Variants in ZNF320 observed in about 807,000 individuals in gnomAD.
ZNF320 encodes the protein zinc finger gene 320.
A neutral mutation model predicts 6.8 loss-of-function variants in ZNF320; 2 were observed. That is an observed-to-expected ratio of 0.29 (90% CI 0.12 to 0.93). The LOEUF is 0.93. Ranked by LOEUF, ZNF320 falls within the 40% of genes least tolerant of loss-of-function variation. The pLI is 0.55. For synonymous variants in ZNF320, 208 were observed against 203.2 expected (o/e 1.02, Z -0.20); for missense variants, 472 against 611.0 (o/e 0.77, Z 2.40).
At chr19:52,861,684 T>C (rs542270476) in exon 6 of ZNF320, 13 of 235,780 alleles carry the variant, frequency 5.5e-5, no homozygotes, top group Admixed American at 1.1e-4. Flanking sequence ...TTAAATCAAC[T>C]CAAACTCAAG....
upstream of ZNF320, among the ~76,000 whole-genome samples, chr19:52,898,948 A>C (rs1203837056): frequency 6.6e-6 from 1 of 152,212 alleles, no homozygotes; most frequent in Admixed American, 6.5e-5. Flanking sequence ...TTTTTTCTTA[A>C]AACAGGTACT....
intron 5 of ZNF320, among the ~76,000 whole-genome samples, chr19:52,885,763 G>A: frequency 6.6e-6 from 1 of 151,350 alleles, no homozygotes; most frequent in Admixed American, 6.6e-5. Flanking sequence ...AAAATTAGCT[G>A]GGTGTGGTGG....
At chr19:52,871,738 A>C (rs1359022443), downstream of ZNF320, among the ~76,000 whole-genome samples, 1 of 152,182 alleles carries the variant, frequency 6.6e-6, no homozygotes, top group African/African-American at 2.4e-5. Context: ...AAAACACTGA[A>C]AAAGAGGCAG....
chr19:52,882,133 C>A (rs1280102237), intron 5 of ZNF320, 150 bp from the exon 6 acceptor site: 1 of 820,418 alleles, frequency 1.2e-6, no homozygotes, highest in Non-Finnish European at 1.8e-6. Context: ...AAGTAAGATT[C>A]TTTAATAAAT....
At chr19:52,859,798 CTG>C (rs554598729), downstream of ZNF320, among the ~76,000 whole-genome samples, 18 of 152,116 alleles carry the variant, frequency 1.2e-4, no homozygotes, top group South Asian at 3.5e-3. Flanking sequence ...TACAGGTAAA[CTG>C]TTTTTTTTTA....
chr19:52,875,575 T>C (rs937440345), downstream of ZNF320, among the ~76,000 whole-genome samples: 5 of 152,148 alleles, frequency 3.3e-5, no homozygotes, highest in African/African-American at 1.2e-4. Flanking sequence ...CCACACACTA[T>C]TTGGCAAAGT....
intron 4 of ZNF320, among the ~76,000 whole-genome samples, chr19:52,889,716 T>C (rs2064225687): frequency 6.6e-6 from 1 of 152,194 alleles, no homozygotes; most frequent in Non-Finnish European, 1.5e-5. Context: ...TTCATATCTA[T>C]GTATGAAGTT....
At chr19:52,871,320 A>G (rs1189622845), downstream of ZNF320, among the ~76,000 whole-genome samples, 1 of 150,978 alleles carries the variant, frequency 6.6e-6, no homozygotes, top group Non-Finnish European at 1.5e-5. Context: ...ATTTTCTCCC[A>G]CTCTCTCTCC....
upstream of ZNF320, among the ~76,000 whole-genome samples, chr19:52,900,018 G>A (rs2064566416): frequency 6.6e-6 from 1 of 152,156 alleles, no homozygotes; most frequent in East Asian, 1.9e-4. Flanking sequence ...CATAGACTGG[G>A]AAGCCTAGAA....
chr19:52,862,346 T>A, exon 6 of ZNF320: 1 of 520,314 alleles, frequency 1.9e-6, no homozygotes, highest in Non-Finnish European at 3.9e-6. Flanking sequence ...AAACCTTACA[T>A]TTGTATGGTT....
chr19:52,892,995 C>G (rs955601951), intron 2 of ZNF320, among the ~76,000 whole-genome samples: 15 of 152,260 alleles, frequency 9.9e-5, no homozygotes, highest in African/African-American at 3.6e-4. Flanking sequence ...TCTCCTCCTG[C>G]TTTCTTATTT....
Position 52,880,513 on chromosome 19 carries a change from C to T in ZNF320, c.*83G>A. 7.1e-7 allele frequency: 1 copy of T among 1,404,864 alleles called. No individual in the cohort carries two copies. The highest frequency in any genetic ancestry group is 2.3e-5 in the East Asian group (1 of 43,720). 87.0% of individuals were successfully genotyped at this position (1,404,864 alleles called of 1,614,324 possible). ...ACCACGCCTGGCCCAATCCTCTTAA[C>T]ATAAACAGTTTAATGTCGATTAATG... On this transcript the variant is annotated 3_prime_UTR_variant, in exon 6 of 6. Transcript: ENST00000682928.
At chr19:52,862,816 TG>T in exon 6 of ZNF320, 1 of 352,154 alleles carries the variant, frequency 2.8e-6, no homozygotes, top group Non-Finnish European at 5.8e-6. Flanking sequence ...CTGAAAACGT[TG>T]TCACATTCTT....
chr19:52,873,440 A>G (rs1600587341), downstream of ZNF320, among the ~76,000 whole-genome samples: 3 of 152,238 alleles, frequency 2.0e-5, no homozygotes, highest in Admixed American at 6.5e-5. Flanking sequence ...CCCGAGATCC[A>G]TTAAATCTTG....
chr19:52,865,434 T>TTATATATATATATATATATATATATATA (rs1555814106), intron 5 of ZNF320: 2 of 152,782 alleles, frequency 1.3e-5, no homozygotes, highest in African/African-American at 6.3e-5. Flanking sequence ...GGTCCAGGCT[T>TTATATATATATATATATATATATATATA]TATATATATA....
downstream of ZNF320, among the ~76,000 whole-genome samples, chr19:52,872,299 C>A (rs1333578744): frequency 5.3e-5 from 8 of 152,186 alleles, no homozygotes; most frequent in African/African-American, 7.2e-5. Flanking sequence ...CCAGAATTTA[C>A]CAGATACCAG....
At chr19:52,897,454 A>G (rs1454004812) in intron 1 of ZNF320, 66 bp downstream of exon 1, 2 of 152,306 alleles carry the variant, frequency 1.3e-5, no homozygotes, top group East Asian at 3.9e-4. Flanking sequence ...ACCCCACTGC[A>G]GAAAGACCGA....
At chr19:52,867,004 G>C (rs906341425) in intron 5 of ZNF320, among the ~76,000 whole-genome samples, 14 of 151,472 alleles carry the variant, frequency 9.2e-5, no homozygotes, top group Non-Finnish European at 1.9e-4. Context: ...TAGTTATCTA[G>C]TTCACTATGC....
intron 1 of ZNF320, among the ~76,000 whole-genome samples, chr19:52,894,409 A>G (rs2064408827): frequency 6.6e-6 from 1 of 151,584 alleles, no homozygotes; most frequent in African/African-American, 2.4e-5. Context: ...CAAAAAACAA[A>G]GAAAGAAAAT....
Sources: gnomAD v4.1 joint callset for allele counts (sites outside exome capture counted in the v4.1 genomes callset) on GRCh38, gnomAD v4.1.1 for gene constraint, MANE v1.5 for transcripts, NCBI Gene and HGNC (gene_info 2026-07-23, HGNC 2026-07-21) for gene names.